NXPE2: variants seen among roughly 807,000 people sequenced by gnomAD.
NXPE2 encodes the protein neurexophilin and PC-esterase domain family member 2, also known as NXPE family member 2.
NXPE2 carries 34 observed loss-of-function variants against 34.4 expected under a neutral mutation model. The ratio of observed to expected loss-of-function variants is 0.99; its 90% confidence interval spans 0.75 to 1.31. The LOEUF (loss-of-function observed/expected upper bound fraction) is 1.31. Among genes scored for constraint, NXPE2 ranks in the 40% most tolerant of loss-of-function variants. The probability of loss-of-function intolerance (pLI) is 0.00; values close to 1 mark genes in which losing one functional copy is unlikely to be tolerated. For missense variants in NXPE2, 649 were observed against 672.5 expected, an observed-to-expected ratio of 0.97 and a Z score of 0.39; for synonymous variants, 235 against 231.3, an observed-to-expected ratio of 1.02 and a Z score of -0.15.
chr11:114,675,518 A>G (rs895083681), upstream of NXPE2, among the ~76,000 whole-genome samples: 1 of 151,908 alleles, frequency 6.6e-6, no homozygotes, highest in Non-Finnish European at 1.5e-5. Context: ...ACAATAAACT[A>G]TCTGAAAAAG....
At chr11:114,572,065 C>T in the NXPE2 span, among the ~76,000 whole-genome samples, 1 of 152,168 alleles carries the variant, frequency 6.6e-6, no homozygotes, top group Non-Finnish European at 1.5e-5. Flanking sequence ...GAAGATGGGT[C>T]ACATCCTATG....
the NXPE2 span, among the ~76,000 whole-genome samples, chr11:114,474,147 A>T: frequency 6.6e-6 from 1 of 152,118 alleles, no homozygotes; most frequent in Non-Finnish European, 1.5e-5. Flanking sequence ...CCATAAGGAG[A>T]GATATAGAAT....
the NXPE2 span, among the ~76,000 whole-genome samples, chr11:114,646,026 A>T: frequency 6.6e-6 from 1 of 152,054 alleles, no homozygotes; most frequent in African/African-American, 2.4e-5. Context: ...AAATCTCTTG[A>T]TTTTGCTAGG....
the NXPE2 span, chr11:114,522,803 C>T: frequency 3.8e-5 from 39 of 1,039,672 alleles, no homozygotes; most frequent in Middle Eastern, 2.2e-4. Context: ...ATAGCTCAAA[C>T]GAGAGAATAG....
At chr11:114,492,626 C>T in the NXPE2 span, among the ~76,000 whole-genome samples, 26 of 152,044 alleles carry the variant, frequency 1.7e-4, no homozygotes, top group African/African-American at 5.1e-4. Flanking sequence ...GCAAGCTCCG[C>T]GTCCTGGGTT....
At chr11:114,632,672 A>G in the NXPE2 span, among the ~76,000 whole-genome samples, 1 of 58,798 alleles carries the variant, frequency 1.7e-5, no homozygotes, top group African/African-American at 1.0e-4. Flanking sequence ...TATAGTATAT[A>G]TATTTATATA....
chr11:114,701,620 T>G (rs2135566471), intron 3 of NXPE2, among the ~76,000 whole-genome samples: 1 of 152,276 alleles, frequency 6.6e-6, no homozygotes, highest in Non-Finnish European at 1.5e-5. Flanking sequence ...TGATTACACA[T>G]CCAAGAAGTC....
In NXPE2 at chr11:114,704,098, G is replaced by A. The variant is rs186504078; in HGVS notation, c.928+46G>A. ...TCTGCCATGATCACAATTTATCCAC[G>A]GAAAGGACATGCTTACTTAGAGATA... On this transcript the variant is annotated intron_variant, in intron 4 of 5. Transcript: ENST00000389586. 3.7e-4 allele frequency: 492 copies of A among 1,318,898 alleles called. 4 individuals carry two copies. The African/African-American group carries it at 5.6e-3, about 15-fold the overall frequency. 81.7% of individuals were successfully genotyped at this position (1,318,898 alleles called of 1,614,324 possible).
chr11:114,554,630 C>T, the NXPE2 span, among the ~76,000 whole-genome samples: 1 of 152,102 alleles, frequency 6.6e-6, no homozygotes, highest in South Asian at 2.1e-4. Context: ...CTTATATTTA[C>T]AGTAATTTCA....
chr11:114,666,812 C>T, the NXPE2 span, among the ~76,000 whole-genome samples: 8 of 152,092 alleles, frequency 5.3e-5, no homozygotes, highest in Non-Finnish European at 1.0e-4. Context: ...GTATTTACAA[C>T]ATTTGAACTG....
upstream of NXPE2, among the ~76,000 whole-genome samples, chr11:114,677,398 AT>A (rs1950870887): frequency 1.3e-5 from 2 of 152,068 alleles, no homozygotes; most frequent in Admixed American, 1.3e-4. Context: ...AAACACATAC[AT>A]TTTTTATTTG....
the NXPE2 span, among the ~76,000 whole-genome samples, chr11:114,761,742 T>A: frequency 3.1e-4 from 47 of 150,126 alleles, no homozygotes; most frequent in African/African-American, 1.2e-3. Context: ...CCCGGCTAAT[T>A]TTTTTGTATT....
chr11:114,677,827 T>A (rs1281844353), upstream of NXPE2, among the ~76,000 whole-genome samples: 1 of 152,084 alleles, frequency 6.6e-6, no homozygotes, highest in Non-Finnish European at 1.5e-5. Flanking sequence ...TGCAGAGCAA[T>A]GCATACTGAG....
the NXPE2 span, among the ~76,000 whole-genome samples, chr11:114,491,275 G>A: frequency 2.6e-3 from 396 of 151,652 alleles, 3 homozygotes; most frequent in African/African-American, 9.4e-3. Flanking sequence ...CTGACGAAGG[G>A]CTAATATCCA....
At chr11:114,707,949 G>A (rs1420234258), downstream of NXPE2, among the ~76,000 whole-genome samples, 4 of 152,066 alleles carry the variant, frequency 2.6e-5, no homozygotes, top group African/African-American at 9.7e-5. Context: ...TTTGTTGATC[G>A]ACATTTGGGT....
the NXPE2 span, among the ~76,000 whole-genome samples, chr11:114,492,993 G>A: frequency 2.0e-5 from 3 of 152,122 alleles, no homozygotes; most frequent in Admixed American, 2.0e-4. Context: ...CCAATGTTGA[G>A]TACATATATA....
chr11:114,579,267 G>A, the NXPE2 span, among the ~76,000 whole-genome samples: 72 of 152,256 alleles, frequency 4.7e-4, 1 homozygote, highest in East Asian at 7.5e-3. Context: ...CATGGGGAGG[G>A]CACCAAGCCA....
the NXPE2 span, among the ~76,000 whole-genome samples, chr11:114,801,536 C>T: frequency 6.6e-6 from 1 of 152,176 alleles, no homozygotes; most frequent in Non-Finnish European, 1.5e-5. Flanking sequence ...ATGGGAATGG[C>T]ATTAACTCAT....
the NXPE2 span, chr11:114,530,679 T>A: frequency 6.2e-7 from 1 of 1,614,180 alleles, no homozygotes; most frequent in Non-Finnish European, 8.5e-7. Flanking sequence ...GCAGTATGTA[T>A]CTCGAGGGTT....
Sources: gnomAD v4.1 joint callset for allele counts (sites outside exome capture counted in the v4.1 genomes callset) on GRCh38, gnomAD v4.1.1 for gene constraint, MANE v1.5 for transcripts, NCBI Gene and HGNC (gene_info 2026-07-23, HGNC 2026-07-21) for gene names.